The following PRR14L variants were observed in gnomAD, a reference collection of about 807,000 sequenced individuals.
PRR14L encodes protein PRR14L.
In PRR14L, 80 loss-of-function variants were observed where a neutral mutation model predicts 155.0. The observed-to-expected ratio is 0.52, with a 90% CI of 0.43 to 0.62. The LOEUF (loss-of-function observed/expected upper bound fraction) is 0.62, where lower values mean the gene tolerates loss of function less well. Ranked by LOEUF, PRR14L falls within the 20% of genes least tolerant of loss-of-function variation. PRR14L has a pLI of 0.00. For missense variants in PRR14L, 2,469 were observed against 2,548.0 expected (o/e 0.97, Z 0.67); for synonymous variants, 883 against 916.0 (o/e 0.96, Z 0.65).
intron 7 of PRR14L, among the ~76,000 whole-genome samples, chr22:31,695,643 C>T (rs2074531950): frequency 6.6e-6 from 1 of 152,290 alleles, no homozygotes; most frequent in African/African-American, 2.4e-5. Context: ...CCTTGCATCA[C>T]AGCAGTGCCC....
chr22:31,690,365 C>T (rs1286782851), intron 7 of PRR14L, among the ~76,000 whole-genome samples: 3 of 149,442 alleles, frequency 2.0e-5, no homozygotes, highest in Admixed American at 6.7e-5. Context: ...TTGATTTTTT[C>T]GTACAGGTGG....
At chr22:31,737,430 G>A (rs990010673) in intron 2 of PRR14L, among the ~76,000 whole-genome samples, 1 of 151,048 alleles carries the variant, frequency 6.6e-6, no homozygotes, top group Admixed American at 6.6e-5. Flanking sequence ...GCAGTGAGCC[G>A]AGATCAAACC....
chr22:31,703,781 C>A, intron 5 of PRR14L, 60 bp from the exon 6 acceptor site: 66 of 943,940 alleles, frequency 7.0e-5, no homozygotes, highest in Non-Finnish European at 9.1e-5. Flanking sequence ...CCAGCACATT[C>A]AACTTCTTCT....
chr22:31,727,718 A>C (rs2033993723), intron 2 of PRR14L, among the ~76,000 whole-genome samples: 1 of 152,120 alleles, frequency 6.6e-6, no homozygotes, highest in Non-Finnish European at 1.5e-5. Flanking sequence ...GCAGTGGCTC[A>C]CGCCTTTAAT....
At position 31,685,566 on chromosome 22, in the gene PRR14L, AAAG is replaced by A; in HGVS notation, c.6414_6416del (p.Phe2139del). On this transcript the variant is annotated inframe_deletion, in exon 9 of 9. Coordinates refer to ENST00000327423, the MANE Select transcript of PRR14L (RefSeq NM_173566.3). ...ATTGTTCCTGCTCCTCTTCCTTGGCAAAGAAGGTCTCCAGTTCCATTAGTTTCT... is the reference window on the plus strand; with the variant it reads ...ATTGTTCCTGCTCCTCTTCCTTGGCAAAGGTCTCCAGTTCCATTAGTTTCT... 1 of 1,552,030 alleles carries A rather than the reference AAAG, an allele frequency of 6.4e-7. No homozygotes were observed. Among genetic ancestry groups the A allele is most frequent in the Non-Finnish European group, 8.7e-7 (1 of 1,146,986 alleles).
chr22:31,735,475 A>G (rs908208019), intron 2 of PRR14L, among the ~76,000 whole-genome samples: 2 of 151,670 alleles, frequency 1.3e-5, no homozygotes, highest in African/African-American at 4.9e-5. Flanking sequence ...ATAGTAATCT[A>G]GTTCTTAGGT....
At chr22:31,700,039 C>T (rs899250963) in intron 7 of PRR14L, among the ~76,000 whole-genome samples, 6 of 151,956 alleles carry the variant, frequency 3.9e-5, no homozygotes, top group Admixed American at 6.6e-5. Flanking sequence ...TGACATTTGC[C>T]GGACCCTTCT....
Position 31,712,986 on chromosome 22 carries a change from T to C in PRR14L, c.4853A>G (p.Lys1618Arg). Residue 1618 changes from lysine to arginine, a missense_variant, in exon 4 of 9, where the codon AAG becomes AGG. By Grantham distance (26) the Lys-to-Arg change is conservative. Around this residue, in one of 2 missense-constraint regions of PRR14L, gnomAD observed 2,363 missense variants for 2,371.6 expected, o/e 1.00. Transcript: ENST00000327423. ...CAGTTTGGAGGCAAGGATGGACAGC[T>C]TGTTTAGTAAGGCTGATTCTTTGGT... is the stretch of plus-strand genomic sequence containing the variant. The part of the protein sequence containing the change: ...KTTKESALLN[K>R]LSILASKLAP... The C allele has an allele frequency of 2.6e-6, 4 of 1,551,856 alleles. No homozygotes were observed. The highest frequency in any genetic ancestry group is 3.5e-6 in the Non-Finnish European group (4 of 1,147,040).
intron 3 of PRR14L, among the ~76,000 whole-genome samples, chr22:31,719,773 G>A (rs1176048769): frequency 6.8e-6 from 1 of 147,230 alleles, no homozygotes; most frequent in Non-Finnish European, 1.5e-5. Flanking sequence ...GTCTCGCTTT[G>A]TTGCCTAGGC....
chr22:31,688,926 A>AC (rs59727717), intron 7 of PRR14L, among the ~76,000 whole-genome samples: 47 of 150,342 alleles, frequency 3.1e-4, no homozygotes, highest in East Asian at 1.5e-3. Flanking sequence ...ACACACACAC[A>AC]AAAACCCTTC....
intron 1 of PRR14L, among the ~76,000 whole-genome samples, chr22:31,748,704 A>G (rs2074854098): frequency 6.6e-6 from 1 of 152,090 alleles, no homozygotes; most frequent in African/African-American, 2.4e-5. Context: ...TAAGTCAGGG[A>G]AGTGGGAGAG....
At chr22:31,690,933 C>A (rs1433012498) in intron 7 of PRR14L, among the ~76,000 whole-genome samples, 1 of 148,568 alleles carries the variant, frequency 6.7e-6, no homozygotes, top group African/African-American at 2.5e-5. Context: ...AGCCACCATG[C>A]CCGGCCTCCA....
rs1239850113 is a variant in PRR14L, at chr22:31,682,602, CAA to C, written c.*2923_*2924del. ...AGAAACTGAAAGATGGAAAAAAAAA[CAA>C]AAAACAAAACACAGTTGAAAGTTTC... On this transcript the variant is annotated 3_prime_UTR_variant, in exon 9 of 9. Coordinates refer to ENST00000327423, the MANE Select transcript of PRR14L (RefSeq NM_173566.3). 1.3e-5 allele frequency: 2 copies of C among 151,868 alleles called. No individual in the cohort carries two copies. The highest frequency in any genetic ancestry group is 3.9e-4 in the East Asian group (2 of 5,174). The allele number at this position is 151,868 out of a possible 1,614,324, so 9.4% of individuals were successfully genotyped here. A position where few individuals can be genotyped will look rare whatever the true frequency, so the allele number is the denominator to read the frequency against.
At chr22:31,717,960 T>C (rs1438032113) in intron 3 of PRR14L, among the ~76,000 whole-genome samples, 1 of 147,736 alleles carries the variant, frequency 6.8e-6, no homozygotes, top group Non-Finnish European at 1.5e-5. Flanking sequence ...GGAGTCTTGC[T>C]CTTGTCGCCC....
chr22:31,733,919 CACAT>C (rs1229718358), intron 2 of PRR14L, among the ~76,000 whole-genome samples: 3 of 151,884 alleles, frequency 2.0e-5, no homozygotes, highest in Non-Finnish European at 2.9e-5. Flanking sequence ...CACACACACA[CACAT>C]ACACCACACA....
At chr22:31,701,515 C>T in intron 7 of PRR14L, 141 bp downstream of exon 7, 1 of 560,178 alleles carries the variant, frequency 1.8e-6, no homozygotes, top group South Asian at 2.6e-5. Flanking sequence ...TATCTAGCGA[C>T]ATTACTAATT....
In PRR14L at chr22:31,712,220, G is replaced by T; in HGVS notation, c.5619C>A (p.Val1873=). The change falls in exon 4 of 9, where the codon GTC becomes GTA. Residue 1873 remains valine (V), a synonymous_variant. Coordinates refer to ENST00000327423, the MANE Select transcript of PRR14L (RefSeq NM_173566.3). ...CCACCGAGTAGGGCAGAGAACAGAA[G>T]ACCTTGTCTGCTATGGAGGCTGGAG... The part of the protein sequence containing the change: ...LRSPASIADK[V]FCSLPYSVGR... 1 of 1,614,172 alleles carries T rather than the reference G, an allele frequency of 6.2e-7. No individual in the cohort carries two copies. The highest frequency in any genetic ancestry group is 1.3e-5 in the African/African-American group (1 of 75,032).
At chr22:31,720,721 T>A (rs938228525) in intron 3 of PRR14L, among the ~76,000 whole-genome samples, 1 of 152,142 alleles carries the variant, frequency 6.6e-6, no homozygotes, top group Non-Finnish European at 1.5e-5. Flanking sequence ...GGCGACACAG[T>A]GAGAACCCAT....
rs1344490818 is a variant in PRR14L at position 31,717,122 on chromosome 22, G to A, written c.717C>T (p.Thr239=). ...GEFQEVDKIM[T]SDEVSETSTL... ...TGCTGGTTTCTGAAACCTCATCACT[G>A]GTCATGATTTTGTCTACTTCTTGGA... The change falls in exon 4 of 9, where the codon ACC becomes ACT. Residue 239 remains threonine (T), a synonymous_variant. Transcript: ENST00000327423. The A allele has an allele frequency of 6.4e-7, 1 of 1,552,234 alleles. No homozygotes were observed. The highest frequency in any genetic ancestry group is 1.2e-5 in the South Asian group (1 of 84,062).
Sources: allele counts gnomAD v4.1 joint callset (sites outside exome capture counted in the v4.1 genomes callset), GRCh38; gene constraint gnomAD v4.1.1; regional missense constraint gnomAD v4.1.1; transcripts MANE v1.5; gene names NCBI Gene and HGNC (gene_info 2026-07-23, HGNC 2026-07-21).